Variants in TNKS1BP1 observed in about 807,000 individuals in gnomAD.
TNKS1BP1 encodes 182 kDa tankyrase-1-binding protein.
In TNKS1BP1, 48 loss-of-function variants were observed where a neutral mutation model predicts 141.1. The observed-to-expected ratio is 0.34, with a 90% CI of 0.27 to 0.43. The LOEUF is 0.43. Ranked by LOEUF, TNKS1BP1 falls within the 20% of genes least tolerant of loss-of-function variation. The pLI is 1.00. For synonymous variants in TNKS1BP1, 875 were observed against 898.2 expected (o/e 0.97, Z 0.46); for missense variants, 2,149 against 2,226.0 (o/e 0.97, Z 0.70).
intron 6 of TNKS1BP1, among the ~76,000 whole-genome samples, chr11:57,304,177 TGGCACGGCAGTGCCTGGAAGCCA>T (rs1390557613): frequency 2.0e-5 from 3 of 151,980 alleles, no homozygotes; most frequent in African/African-American, 7.3e-5. Context: ...TGGGAAAGCC[TGGCACGGCAGTGCCTGGAAGCCA>T]GGCCCCAGGT....
In TNKS1BP1 at chr11:57,301,089, A is replaced by C. The variant is rs1315768449; in HGVS notation, c.4972-48T>G. 4 of 1,529,736 alleles carry C rather than the reference A, an allele frequency of 2.6e-6. No individual in the cohort carries two copies. In the Admixed American group the frequency reaches 7.8e-5, roughly 30 times the overall value. The allele number at this position is 1,529,736 out of a possible 1,614,324, so 94.8% of individuals were successfully genotyped here. On this transcript the variant is annotated intron_variant, in intron 9 of 11. Transcript: ENST00000358252. ...GATAGATAGTAGAGGGACAGGCAGT[A>C]GGACTCTCAGGGGGTAAGACCTTAT...
rs774379145 is a variant in TNKS1BP1, at chr11:57,301,874, C to T, written c.4904G>A (p.Arg1635Gln). ...VVEEPQSRRT[R>Q]MSLGTKGLKV... ...CAGCCCCTTGGTGCCCAACGACATC[C>T]GTGTCCGGCGGCTCTGAGGTTCCTC... Residue 1635 changes from arginine to glutamine, a missense_variant, in exon 9 of 12, where the codon CGG becomes CAG. By Grantham distance (43) the Arg-to-Gln change is conservative. Coordinates refer to ENST00000358252, the MANE Select transcript of TNKS1BP1 (RefSeq NM_033396.3). 1.1e-5 allele frequency: 17 copies of T among 1,614,048 alleles called. No homozygotes were observed. Among genetic ancestry groups the T allele is most frequent in the Non-Finnish European group, 1.4e-5 (16 of 1,180,036 alleles).
rs750193726 is a variant in TNKS1BP1, at chr11:57,312,867, G to T, written c.1821C>A (p.Thr607=). The T allele has an allele frequency of 1.2e-5, 19 of 1,608,400 alleles. No individual in the cohort carries two copies. The Admixed American group carries it at 3.2e-4, about 27-fold the overall frequency. ...AGQESPLPLA[T]REAALPILEP... is the part of the protein sequence containing the mutation. ...CCAGGATGGGCAAGGCTGCCTCCCT[G>T]GTAGCCAGGGGGAGAGGGGACTCCT... The change falls in exon 5 of 12, where the codon ACC becomes ACA. Residue 607 remains threonine, a synonymous_variant. Transcript: ENST00000358252.
chr11:57,312,388 G>A, intron 5 of TNKS1BP1, 146 bp downstream of exon 5: 1 of 837,366 alleles, frequency 1.2e-6, no homozygotes, highest in Non-Finnish European at 1.7e-6. Flanking sequence ...TGGCTCTGCA[G>A]AGCTACAATC....
At position 57,312,628 on chromosome 11, in the gene TNKS1BP1, T is replaced by A. The variant is rs1013273839; in HGVS notation, c.2060A>T (p.Asp687Val). The A allele has an allele frequency of 1.5e-5, 23 of 1,573,044 alleles. No individual in the cohort carries two copies. Among genetic ancestry groups the A allele is most frequent in the Admixed American group, 1.8e-5 (1 of 54,518 alleles). The change falls in exon 5 of 12, where the codon GAC becomes GTC. Residue 687 changes from aspartate to valine, a missense_variant. Transcript: ENST00000358252. ...GPESSSRWLD[D>V]LLASPPPSGG... is the part of the protein sequence containing the mutation. ...ACTGGGTGGTGGTGAAGCCAGGAGGTCGTCCAGCCAGCGGGAGCTGCTTTC... is the reference window on the plus strand; with the variant it reads ...ACTGGGTGGTGGTGAAGCCAGGAGGACGTCCAGCCAGCGGGAGCTGCTTTC...
intron 1 of TNKS1BP1, chr11:57,322,226 A>T (rs1352697934): frequency 1.8e-6 from 2 of 1,096,242 alleles, no homozygotes; most frequent in Admixed American, 9.5e-5. Flanking sequence ...TCTCCAAGAC[A>T]CCCCACTTAC....
chr11:57,319,152 A>G (rs966334789), intron 3 of TNKS1BP1, among the ~76,000 whole-genome samples: 9 of 151,544 alleles, frequency 5.9e-5, no homozygotes, highest in Non-Finnish European at 1.2e-4. Flanking sequence ...CTCAAAAAAA[A>G]AAAAAAAAAA....
chr11:57,303,522 G>C (rs1050478879), intron 6 of TNKS1BP1: 1 of 152,984 alleles, frequency 6.5e-6, no homozygotes, highest in African/African-American at 2.4e-5. Context: ...CCAGCCCTGG[G>C]CTCCAATCCA....
Position 57,302,464 on chromosome 11 carries a change from T to C in TNKS1BP1, c.4678A>G (p.Ile1560Val), listed in dbSNP as rs1179570827. 1.3e-6 allele frequency: 2 copies of C among 1,594,350 alleles called. No homozygotes were observed. The highest frequency in any genetic ancestry group is 1.7e-6 in the Non-Finnish European group (2 of 1,167,366). The change falls in exon 7 of 12, where the codon ATT becomes GTT. Residue 1560 changes from isoleucine to valine, a missense_variant. Coordinates refer to ENST00000358252, the MANE Select transcript of TNKS1BP1 (RefSeq NM_033396.3). This position sits in a 1 kb window ranked among gnomAD's most constrained non-coding sequence, Gnocchi z 5.5. ...ARSPSQDFSF[I>V]EDTEILDSAM... is the part of the protein sequence containing the mutation. ...TGGGCTCACCCTCCACTGACCTCAATGAAGGAGAAGTCCTGACTGGGGGAT... is the reference window on the plus strand; with the variant it reads ...TGGGCTCACCCTCCACTGACCTCAACGAAGGAGAAGTCCTGACTGGGGGAT...
chr11:57,314,257 T>C (rs1332381693), intron 4 of TNKS1BP1, among the ~76,000 whole-genome samples: 5 of 152,236 alleles, frequency 3.3e-5, no homozygotes, highest in Admixed American at 2.6e-4. Context: ...AGGAACATTG[T>C]GAATCTGGCT....
At position 57,320,479 on chromosome 11, in the gene TNKS1BP1, C is replaced by T. The variant is rs1855868053; in HGVS notation, c.328G>A (p.Gly110Arg). 6.2e-7 allele frequency: 1 copy of T among 1,608,096 alleles called. No individual in the cohort carries two copies. Among genetic ancestry groups the T allele is most frequent in the Non-Finnish European group, 8.5e-7 (1 of 1,175,826 alleles). ...CCAGTCTCTTGGGTGGCTTCTCCTC[C>T]AGTGGAGGCCTCAACCGCAGGCCTT... ...APRPAVEASTGGEATQETGKE... is the reference protein window; with the variant it reads ...APRPAVEASTRGEATQETGKE... Residue 110 changes from glycine to arginine, a missense_variant, in exon 3 of 12, where the codon GGA (glycine) becomes AGA (arginine). By Grantham distance (125) the Gly-to-Arg change is moderately radical. Coordinates refer to ENST00000358252, the MANE Select transcript of TNKS1BP1 (RefSeq NM_033396.3).
intron 4 of TNKS1BP1, among the ~76,000 whole-genome samples, chr11:57,316,550 A>G (rs1855802175): frequency 1.3e-5 from 2 of 152,148 alleles, no homozygotes; most frequent in Admixed American, 1.3e-4. Flanking sequence ...CCGTCTCGGC[A>G]ACCATAAACT....
At position 57,312,644 on chromosome 11, in the gene TNKS1BP1, AGCT is replaced by A. The variant is rs1357607835; in HGVS notation, c.2041_2043del (p.Ser682del). 1.3e-6 allele frequency: 2 copies of A among 1,582,970 alleles called. No individual in the cohort carries two copies. The highest frequency in any genetic ancestry group is 1.7e-6 in the Non-Finnish European group (2 of 1,165,016). On this transcript the variant is annotated inframe_deletion, in exon 5 of 12. Coordinates refer to ENST00000358252, the MANE Select transcript of TNKS1BP1 (RefSeq NM_033396.3). ...GCCAGGAGGTCGTCCAGCCAGCGGG[AGCT>A]GCTTTCAGGGCCTGGAGGCTCGGGG... is the stretch of plus-strand genomic sequence containing the variant.
chr11:57,307,397 C>T (rs2134352380), intron 6 of TNKS1BP1, among the ~76,000 whole-genome samples: 1 of 152,212 alleles, frequency 6.6e-6, no homozygotes, highest in East Asian at 1.9e-4. Context: ...CGTCAGGAAG[C>T]TCCACTTCCT....
chr11:57,318,233 C>G (rs1220777034), intron 3 of TNKS1BP1, among the ~76,000 whole-genome samples: 6 of 152,216 alleles, frequency 3.9e-5, no homozygotes, highest in Admixed American at 3.9e-4. Flanking sequence ...TCTCCTCTAG[C>G]CAGGAAGAGT....
At chr11:57,306,903 TG>T (rs796934603) in intron 6 of TNKS1BP1, among the ~76,000 whole-genome samples, 2,992 of 70,154 alleles carry the variant, frequency 0.043, 61 homozygotes, top group Non-Finnish European at 0.051. Flanking sequence ...GCTGTGGTGG[TG>T]GGGGGGGGGG....
intron 5 of TNKS1BP1, chr11:57,311,102 G>A: frequency 2.2e-6 from 1 of 456,660 alleles, no homozygotes; most frequent in Non-Finnish European, 2.9e-6. Flanking sequence ...AGTGCCGTCT[G>A]CTCAATCTTC....
At chr11:57,306,510 C>T (rs1855613134) in intron 6 of TNKS1BP1, among the ~76,000 whole-genome samples, 1 of 152,178 alleles carries the variant, frequency 6.6e-6, no homozygotes, top group Admixed American at 6.5e-5. Context: ...CTTTAGGACA[C>T]ATTTTAGAAA....
rs145269418 is a variant in TNKS1BP1, at chr11:57,320,110, G to A, written c.697C>T (p.Arg233Trp). ...TCAGGGGTCTTGCTGTGCTCTTCCCGGCACTCTGCTGGAGACTTTACTGGC... is the reference window on the plus strand; with the variant it reads ...TCAGGGGTCTTGCTGTGCTCTTCCCAGCACTCTGCTGGAGACTTTACTGGC... ...EGPVKSPAEC[R>W]EEHSKTPEER... The change falls in exon 3 of 12, where the codon CGG becomes TGG. Residue 233 changes from arginine (R) to tryptophan (W), a missense_variant. By Grantham distance (101) the Arg-to-Trp change is moderately radical. Coordinates refer to ENST00000358252, the MANE Select transcript of TNKS1BP1 (RefSeq NM_033396.3). 262 of 1,405,692 alleles carry A rather than the reference G, an allele frequency of 1.9e-4. No homozygotes were observed. The Admixed American group carries it at 2.5e-3, about 14-fold the overall frequency. 87.1% of individuals were successfully genotyped at this position (1,405,692 alleles called of 1,614,324 possible).
Sources: allele counts gnomAD v4.1 joint callset (sites outside exome capture counted in the v4.1 genomes callset), GRCh38; gene constraint gnomAD v4.1.1; non-coding constraint Gnocchi (gnomAD v3.1); transcripts MANE v1.5; gene names NCBI Gene and HGNC (gene_info 2026-07-23, HGNC 2026-07-21).